The following SLC17A5 variants were observed in gnomAD, a reference collection of about 807,000 sequenced individuals.
SLC17A5 encodes the protein solute carrier family 17 member 5.
A neutral mutation model predicts 59.4 loss-of-function variants in SLC17A5; 47 were observed. The observed-to-expected ratio is 0.79, with a 90% confidence interval of 0.63 to 1.01. The LOEUF (loss-of-function observed/expected upper bound fraction) is 1.01. Among genes scored for constraint, SLC17A5 ranks in the 50% least tolerant of loss-of-function variants. The pLI is 0.00. For synonymous variants in SLC17A5, 202 were observed against 210.7 expected, an observed-to-expected ratio of 0.96 and a Z score of 0.36; for missense variants, 522 against 595.5, an observed-to-expected ratio of 0.88 and a Z score of 1.28.
At position 73,621,981 on chromosome 6, in the gene SLC17A5, A is replaced by G. The variant is rs772466451; in HGVS notation, c.820-19T>C. On this transcript the variant is annotated intron_variant, in intron 6 of 10. Coordinates refer to ENST00000355773, the MANE Select transcript of SLC17A5 (RefSeq NM_012434.5). ...AAGAAAGCTGAAGAAAACAGGAATA[A>G]TTAGGATAAACTACGGCTATGTTAA... 2.5e-6 allele frequency: 4 copies of G among 1,612,782 alleles called. No homozygotes were observed. In the East Asian group the frequency reaches 6.7e-5, roughly 27 times the overall value.
At position 73,595,023 on chromosome 6, in the gene SLC17A5, G is replaced by T; in HGVS notation, c.*54C>A. ...TACACAATACAGAAGGCACTTTGAG[G>T]TTACATGATAAATAAAAATACATTA... On this transcript the variant is annotated 3_prime_UTR_variant, in exon 11 of 11. Coordinates refer to ENST00000355773, the MANE Select transcript of SLC17A5 (RefSeq NM_012434.5). 1.3e-6 allele frequency: 2 copies of T among 1,595,670 alleles called. No homozygotes were observed. The highest frequency in any genetic ancestry group is 1.3e-5 in the African/African-American group (1 of 74,592).
Position 73,594,973 on chromosome 6 carries a change from C to A in SLC17A5, c.*104G>T, listed in dbSNP as rs1380973864. The A allele has an allele frequency of 1.6e-6, 2 of 1,244,208 alleles. No homozygotes were observed. The highest frequency in any genetic ancestry group is 1.2e-6 in the Non-Finnish European group (1 of 852,738). 77.1% of individuals were successfully genotyped at this position (1,244,208 alleles called of 1,614,324 possible). The stretch of plus-strand genomic sequence containing the variant: ...AGGCCTTAAAAATCTAATACAAGTA[C>A]AATTAAAAAAAGACATAGAATGCTT... On this transcript the variant is annotated 3_prime_UTR_variant, in exon 11 of 11. Transcript: ENST00000355773.
At chr6:73,650,653 C>T (rs7766154) in intron 1 of SLC17A5, among the ~76,000 whole-genome samples, 26 of 150,578 alleles carry the variant, frequency 1.7e-4, no homozygotes, top group African/African-American at 6.3e-4. Context: ...CCTGTTTGAG[C>T]CACTGCATTC....
At chr6:73,653,574 C>T (rs1323367291) in intron 1 of SLC17A5, 5 of 825,382 alleles carry the variant, frequency 6.1e-6, no homozygotes, top group Non-Finnish European at 7.3e-6. Flanking sequence ...GCTCCGCGAT[C>T]ACGGTCGCGG....
intron 1 of SLC17A5, among the ~76,000 whole-genome samples, chr6:73,646,837 T>A (rs1482436162): frequency 3.3e-5 from 5 of 152,154 alleles, no homozygotes; most frequent in South Asian, 2.1e-4. Flanking sequence ...CATATCTGAC[T>A]AATTTTTAAA....
intron 10 of SLC17A5, 109 bp from the exon 11 acceptor site, chr6:73,595,323 G>T: frequency 7.9e-7 from 1 of 1,264,592 alleles, no homozygotes. Context: ...ATTCATAAAA[G>T]CCTCATCCTT....
intron 3 of SLC17A5, among the ~76,000 whole-genome samples, 194 bp from the exon 4 acceptor site, chr6:73,638,693 G>A (rs566192038): frequency 3.3e-5 from 5 of 152,078 alleles, no homozygotes; most frequent in African/African-American, 1.2e-4. Flanking sequence ...TTTGAGGCTG[G>A]GTGTGGTGGC....
chr6:73,623,441 T>A lies in SLC17A5; in HGVS notation c.820-1479A>T, dbSNP rs1187440900. ...ACCTCTGCCTCCCGGGTTCAAGCAA[T>A]CTCCGGCCTCAGCCCCCCAAGTAGC... On this transcript the variant is annotated intron_variant, in intron 6 of 10. Coordinates refer to ENST00000355773, the MANE Select transcript of SLC17A5 (RefSeq NM_012434.5). Among the ~76,000 whole-genome samples the A allele has an allele frequency of 2.0e-5, 3 of 152,020 alleles. No individual in the cohort carries two copies. The East Asian group carries it at 5.8e-4, about 29-fold the overall frequency.
chr6:73,624,037 C>T (rs575451219), intron 6 of SLC17A5, among the ~76,000 whole-genome samples: 12 of 152,074 alleles, frequency 7.9e-5, no homozygotes, highest in East Asian at 5.8e-4. Context: ...TCAACTACTT[C>T]GCCAAGCAAA....
At chr6:73,623,883 G>C (rs1054360277) in intron 6 of SLC17A5, among the ~76,000 whole-genome samples, 2 of 150,514 alleles carry the variant, frequency 1.3e-5, no homozygotes, top group African/African-American at 4.9e-5. Flanking sequence ...ATTTTTAGTA[G>C]AGACAGAGTT....
intron 1 of SLC17A5, among the ~76,000 whole-genome samples, chr6:73,652,795 T>C (rs1023727411): frequency 3.3e-5 from 5 of 152,130 alleles, no homozygotes; most frequent in Admixed American, 2.6e-4. Flanking sequence ...TCTGGTAACA[T>C]TAAAAACAAA....
At chr6:73,650,637 G>GT (rs985162229) in intron 1 of SLC17A5, among the ~76,000 whole-genome samples, 1 of 150,702 alleles carries the variant, frequency 6.6e-6, no homozygotes, top group African/African-American at 2.4e-5. Context: ...TGAGGCTGCA[G>GT]TAAGACCTGT....
Position 73,595,020 on chromosome 6 carries a change from G to A in SLC17A5, c.*57C>T. The A allele has an allele frequency of 6.3e-7, 1 of 1,587,278 alleles. No homozygotes were observed. The highest frequency in any genetic ancestry group is 8.7e-7 in the Non-Finnish European group (1 of 1,156,054). On this transcript the variant is annotated 3_prime_UTR_variant, in exon 11 of 11. Coordinates refer to ENST00000355773, the MANE Select transcript of SLC17A5 (RefSeq NM_012434.5). Reference sequence around the variant, plus strand: ...GCTTACACAATACAGAAGGCACTTTGAGGTTACATGATAAATAAAAATACA... The same window carrying A: ...GCTTACACAATACAGAAGGCACTTTAAGGTTACATGATAAATAAAAATACA...
At chr6:73,650,440 G>A (rs894914191) in intron 1 of SLC17A5, among the ~76,000 whole-genome samples, 4 of 149,136 alleles carry the variant, frequency 2.7e-5, no homozygotes, top group Non-Finnish European at 5.9e-5. Flanking sequence ...CCCGGGAGGC[G>A]GAGCATGCAG....
chr6:73,608,733 T>C (rs1184245919), intron 9 of SLC17A5, among the ~76,000 whole-genome samples: 1 of 152,182 alleles, frequency 6.6e-6, no homozygotes, highest in Non-Finnish European at 1.5e-5. Context: ...CCTCAAGTCT[T>C]GGCCAGGTGC....
rs111807303 is a variant in SLC17A5 at position 73,650,690 on chromosome 6, G to GA, written c.94+3102dup. Among the ~76,000 whole-genome samples the GA allele has an allele frequency of 7.2e-3, 878 of 122,044 alleles. 18 individuals carry two copies. Among genetic ancestry groups the GA allele is most frequent in the Admixed American group, 0.039 (461 of 11,944 alleles). 80.1% of individuals were successfully genotyped at this position (122,044 alleles called of 152,430 possible). On this transcript the variant is annotated intron_variant, in intron 1 of 10. Coordinates refer to ENST00000355773, the MANE Select transcript of SLC17A5 (RefSeq NM_012434.5). ...AGCCTGGGCAACAGAGTGAGATCCT[G>GA]AAAAAAAAAAAAAAGAAAATAAAGT...
chr6:73,641,529 C>T (rs762016501), intron 3 of SLC17A5, among the ~76,000 whole-genome samples, 162 bp downstream of exon 3: 2 of 152,172 alleles, frequency 1.3e-5, no homozygotes, highest in African/African-American at 4.8e-5. Flanking sequence ...CAAACAAAAT[C>T]TATTCAGGTA....
Position 73,615,443 on chromosome 6 carries a change from C to T in SLC17A5, c.983G>A (p.Gly328Glu), listed in dbSNP as rs386833996. Residue 328 changes from glycine (G) to glutamate (E), a missense_variant, in exon 8 of 11, where the codon GGG (glycine) becomes GAG (glutamate). By Grantham distance (98) the Gly-to-Glu change is moderately conservative. Transcript: ENST00000355773. The part of the protein sequence containing the change: ...EILRFNVQEN[G>E]FLSSLPYLGS... Reference sequence around the variant, plus strand: ...TAAATAAGGCAATGAAGATAAAAACCCATTCTGGAAGGAATAAGAAGATAC... The same window carrying T: ...TAAATAAGGCAATGAAGATAAAAACTCATTCTGGAAGGAATAAGAAGATAC... 2 of 1,613,810 alleles carry T rather than the reference C, an allele frequency of 1.2e-6. No homozygotes were observed. Among genetic ancestry groups the T allele is most frequent in the South Asian group, 2.2e-5 (2 of 91,060 alleles).
chr6:73,596,578 C>T (rs896292856), intron 10 of SLC17A5, among the ~76,000 whole-genome samples: 26 of 152,172 alleles, frequency 1.7e-4, no homozygotes, highest in East Asian at 1.9e-4. Flanking sequence ...AACACACGGC[C>T]GGGCGTGGTG....
Sources: allele counts gnomAD v4.1 joint callset (sites outside exome capture counted in the v4.1 genomes callset), GRCh38; gene constraint gnomAD v4.1.1; transcripts MANE v1.5; gene names NCBI Gene and HGNC (gene_info 2026-07-23, HGNC 2026-07-21).